CACNA1H: variants seen among roughly 807,000 people sequenced by gnomAD.
CACNA1H encodes the protein calcium voltage-gated channel subunit alpha1 H, also known as voltage-dependent T-type calcium channel subunit alpha-1H.
In CACNA1H, 149 loss-of-function variants were observed where a neutral mutation model predicts 192.5. That is an observed-to-expected ratio of 0.77 (90% confidence interval 0.68 to 0.89). The LOEUF is 0.89. CACNA1H is among the 40% of genes least tolerant of loss of function. The pLI is 0.00. For missense variants in CACNA1H, 4,257 were observed against 3,423.5 expected, an observed-to-expected ratio of 1.24 and a Z score of -6.08; for synonymous variants, 2,202 against 1,475.2, an observed-to-expected ratio of 1.49 and a Z score of -11.29.
chr16:1,212,477 C>T (rs554303380), intron 25 of CACNA1H, 34 bp from the exon 26 acceptor site: 12 of 1,601,452 alleles, frequency 7.5e-6, no homozygotes, highest in African/African-American at 2.7e-5. Flanking sequence ...TGCGCCACGC[C>T]CTCGGCCCTC....
chr16:1,158,665 C>G (rs950861548), intron 2 of CACNA1H, among the ~76,000 whole-genome samples: 2 of 152,180 alleles, frequency 1.3e-5, no homozygotes, highest in Non-Finnish European at 2.9e-5. Flanking sequence ...CAGAGCAGGC[C>G]GGGCCCTGGC....
intron 11 of CACNA1H, 36 bp downstream of exon 11, chr16:1,205,301 G>T: frequency 6.4e-7 from 1 of 1,571,826 alleles, no homozygotes; most frequent in Non-Finnish European, 8.7e-7. Context: ...AGAGGGGCCC[G>T]GGAAGCTCCA....
chr16:1,161,968 C>T (rs976135118), intron 2 of CACNA1H, among the ~76,000 whole-genome samples: 9 of 152,194 alleles, frequency 5.9e-5, no homozygotes, highest in African/African-American at 2.2e-4. Context: ...GTGGGTCAGG[C>T]TGTGTCCCGT....
Position 1,209,127 on chromosome 16 carries a change from C to T in CACNA1H, c.3459C>T (p.Ser1153=), listed in dbSNP as rs559051259. The change falls in exon 17 of 35, where the codon AGC becomes AGT. Residue 1153 remains serine (S), a synonymous_variant. Coordinates refer to ENST00000348261, the MANE Select transcript of CACNA1H (RefSeq NM_021098.3). ...SSWSSLGRAP[S]LKRRGQCGER... ...GGAGCAGCCTGGGCCGTGCCCCCAG[C>T]CTCAAGCGCCGCGGCCAGTGTGGGG... The T allele has an allele frequency of 8.4e-6, 13 of 1,554,252 alleles. No individual in the cohort carries two copies. In the South Asian group the frequency reaches 1.5e-4, roughly 18 times the overall value.
chr16:1,213,839 C>T lies in CACNA1H; in HGVS notation c.4837C>T (p.Leu1613=), dbSNP rs1183322366. Residue 1613 remains leucine (L), a synonymous_variant, in exon 27 of 35, where the codon CTG becomes TTG. Transcript: ENST00000348261. ...YSPTRRSIHS[L]CTSHYLDLFI... is the part of the protein sequence containing the mutation. Reference sequence around the variant, plus strand: ...GCCCACGCGCCGCTCCATTCACTCGCTGTGCACCAGCCACTATCTCGACCT... The same window carrying T: ...GCCCACGCGCCGCTCCATTCACTCGTTGTGCACCAGCCACTATCTCGACCT... 6.2e-7 allele frequency: 1 copy of T among 1,600,046 alleles called. No homozygotes were observed. The highest frequency in any genetic ancestry group is 2.3e-5 in the East Asian group (1 of 44,312).
Position 1,219,925 on chromosome 16 carries a change from C to T in CACNA1H, c.6049-56C>T, listed in dbSNP as rs957621317. 148 of 1,225,616 alleles carry T rather than the reference C, an allele frequency of 1.2e-4. No individual in the cohort carries two copies. In the Middle Eastern group the frequency reaches 1.6e-3, roughly 14 times the overall value. 75.9% of individuals were successfully genotyped at this position (1,225,616 alleles called of 1,614,324 possible). A position where few individuals can be genotyped will look rare whatever the true frequency, so the allele number is the denominator to read the frequency against. On this transcript the variant is annotated intron_variant, in intron 34 of 34. Transcript: ENST00000348261. Reference sequence around the variant, plus strand: ...TGGTGAGGGGTCTCCGAGCCCTGGCCACTGACAGGGCTCTCCCAGGGCCCC... The same window carrying T: ...TGGTGAGGGGTCTCCGAGCCCTGGCTACTGACAGGGCTCTCCCAGGGCCCC...
chr16:1,163,929 T>A (rs1176862933), intron 2 of CACNA1H, among the ~76,000 whole-genome samples: 2 of 152,306 alleles, frequency 1.3e-5, no homozygotes, highest in Admixed American at 1.3e-4. Context: ...CGCTTGTGAC[T>A]CAGCGGCTCA....
intron 12 of CACNA1H, chr16:1,206,760 C>T: frequency 1.9e-6 from 1 of 512,922 alleles, no homozygotes; most frequent in Non-Finnish European, 3.5e-6. Context: ...TTCCCTCTGT[C>T]TGTCCCGCCT....
rs977545456 is a variant in CACNA1H, at chr16:1,153,284, G to C, written c.-205G>C. 4.1e-5 allele frequency: 6 copies of C among 145,004 alleles called. No individual in the cohort carries two copies. The highest frequency in any genetic ancestry group is 9.2e-5 in the Non-Finnish European group (6 of 65,072). The allele number at this position is 145,004 out of a possible 1,614,324, so 9.0% of individuals were successfully genotyped here. A position where few individuals can be genotyped will look rare whatever the true frequency, so the allele number is the denominator to read the frequency against. On this transcript the variant is annotated 5_prime_UTR_variant, in exon 1 of 35. Coordinates refer to ENST00000348261, the MANE Select transcript of CACNA1H (RefSeq NM_021098.3). ...CTCCGCCGGGCGAGCCGGAGCCGGA[G>C]TCGAGCCGCGGCCGGGAGCCGGGCG...
At chr16:1,184,303 C>G (rs1026130386) in intron 2 of CACNA1H, among the ~76,000 whole-genome samples, 5 of 152,340 alleles carry the variant, frequency 3.3e-5, no homozygotes, top group South Asian at 4.1e-4. Flanking sequence ...CCTTACTGCC[C>G]GAGGCAGAGG....
rs370039598 is a variant in CACNA1H at position 1,206,475 on chromosome 16, G to T, written c.2789+186G>T. ...ATTGGGCCCCTACTGTGTGCCACGTGTTAGACATGCAGGGAGTCAGATGGC... is the reference window on the plus strand; with the variant it reads ...ATTGGGCCCCTACTGTGTGCCACGTTTTAGACATGCAGGGAGTCAGATGGC... On this transcript the variant is annotated intron_variant, in intron 12 of 34. Coordinates refer to ENST00000348261, the MANE Select transcript of CACNA1H (RefSeq NM_021098.3). The T allele has an allele frequency of 1.2e-3, 702 of 604,154 alleles. 4 individuals are homozygous for T. Among genetic ancestry groups the T allele is most frequent in the Middle Eastern group, 0.011 (24 of 2,252 alleles). 37.4% of individuals were successfully genotyped at this position (604,154 alleles called of 1,614,324 possible).
chr16:1,210,242 G>A, intron 18 of CACNA1H, 107 bp downstream of exon 18: 3 of 1,253,392 alleles, frequency 2.4e-6, no homozygotes, highest in Non-Finnish European at 3.4e-6. Context: ...TTTCCGAGTG[G>A]GCACCCCTTC....
chr16:1,160,797 G>A (rs2151646983), intron 2 of CACNA1H, among the ~76,000 whole-genome samples: 1 of 152,268 alleles, frequency 6.6e-6, no homozygotes, highest in South Asian at 2.1e-4. Flanking sequence ...CGGGAGCTGT[G>A]GGCAGAGAGA....
intron 2 of CACNA1H, among the ~76,000 whole-genome samples, chr16:1,177,038 C>G (rs1000565290): frequency 5.3e-5 from 8 of 152,264 alleles, no homozygotes; most frequent in African/African-American, 1.9e-4. Context: ...GGAGCTTCCC[C>G]CAGGCCCTCC....
At chr16:1,172,344 A>G (rs988633788) in intron 2 of CACNA1H, among the ~76,000 whole-genome samples, 3 of 152,094 alleles carry the variant, frequency 2.0e-5, no homozygotes, top group South Asian at 4.1e-4. Flanking sequence ...GCCATCCCCA[A>G]TGTTCCAGGC....
chr16:1,195,969 G>A lies in CACNA1H; in HGVS notation c.589G>A (p.Ala197Thr). The A allele has an allele frequency of 1.2e-6, 2 of 1,613,154 alleles. No homozygotes were observed. The highest frequency in any genetic ancestry group is 1.7e-6 in the Non-Finnish European group (2 of 1,179,852). The change falls in exon 5 of 35, where the codon GCT becomes ACT. Residue 197 changes from alanine (A) to threonine (T), a missense_variant. Coordinates refer to ENST00000348261, the MANE Select transcript of CACNA1H (RefSeq NM_021098.3). The stretch of plus-strand genomic sequence containing the variant: ...GGACGGACACAACGTGAGCCTCTCG[G>A]CTATCAGGACCGTGCGGGTGCTGCG... The part of the protein sequence containing the change: ...SLDGHNVSLS[A>T]IRTVRVLRPL...
At position 1,206,284 on chromosome 16, in the gene CACNA1H, C is replaced by G; in HGVS notation, c.2784C>G (p.Ile928Met). 6.4e-7 allele frequency: 1 copy of G among 1,554,980 alleles called. No homozygotes were observed. The highest frequency in any genetic ancestry group is 8.7e-7 in the Non-Finnish European group (1 of 1,150,314). ...FCTLLMLFIF[I>M]FSILGMHLFG... ...CGCTGCTCATGCTCTTCATTTTCATCTTCAGGTGGGCGCAACCCCCCTCCC... is the reference window on the plus strand; with the variant it reads ...CGCTGCTCATGCTCTTCATTTTCATGTTCAGGTGGGCGCAACCCCCCTCCC... The change falls in exon 12 of 35, where the codon ATC becomes ATG. Residue 928 changes from isoleucine to methionine, a missense_variant. Coordinates refer to ENST00000348261, the MANE Select transcript of CACNA1H (RefSeq NM_021098.3).
rs1350274903 is a variant in CACNA1H at position 1,198,282 on chromosome 16, C to G, written c.644-333C>G. ...GCCAGTTCCCTGCCTCGGCCAGTCCCCTGCCTCCACTCCTGCCCCTCCACA... is the reference window on the plus strand; with the variant it reads ...GCCAGTTCCCTGCCTCGGCCAGTCCGCTGCCTCCACTCCTGCCCCTCCACA... On this transcript the variant is annotated intron_variant, in intron 5 of 34. Coordinates refer to ENST00000348261, the MANE Select transcript of CACNA1H (RefSeq NM_021098.3). 2.0e-5 allele frequency among the ~76,000 whole-genome samples: 3 copies of G among 152,174 alleles called. No individual in the cohort carries two copies. In the East Asian group the frequency reaches 5.8e-4, roughly 29 times the overall value.
Position 1,220,664 on chromosome 16 carries a change from T to C in CACNA1H, c.6732T>C (p.Pro2244=). Residue 2244 remains proline, a synonymous_variant, in exon 35 of 35, where the codon CCT becomes CCC. Transcript: ENST00000348261. ...PTEGSGAGGD[P]AAKGERWGQA... Reference sequence around the variant, plus strand: ...AGGGCTCAGGCGCCGGGGGGGACCCTGCAGCCAAGGGGGAGCGCTGGGGCC... The same window carrying C: ...AGGGCTCAGGCGCCGGGGGGGACCCCGCAGCCAAGGGGGAGCGCTGGGGCC... 6.2e-7 allele frequency: 1 copy of C among 1,606,940 alleles called. No individual in the cohort carries two copies. Among genetic ancestry groups the C allele is most frequent in the Non-Finnish European group, 8.5e-7 (1 of 1,177,066 alleles).
Sources: gnomAD v4.1 joint callset for allele counts (sites outside exome capture counted in the v4.1 genomes callset) on GRCh38, gnomAD v4.1.1 for gene constraint, MANE v1.5 for transcripts, NCBI Gene and HGNC (gene_info 2026-07-23, HGNC 2026-07-21) for gene names.